TTC7A: variants seen among roughly 807,000 people sequenced by gnomAD.
TTC7A encodes tetratricopeptide repeat protein 7A.
Under a neutral mutation model 103.7 loss-of-function variants are expected in TTC7A, and 110 were observed. The observed-to-expected ratio is 1.06, with a 90% CI of 0.91 to 1.24. The LOEUF (loss-of-function observed/expected upper bound fraction) is 1.24. Ranked by LOEUF, TTC7A falls within the 50% of genes most tolerant of loss-of-function variation. The probability of loss-of-function intolerance (pLI) is 0.00; values close to 1 mark genes in which losing one functional copy is unlikely to be tolerated. For missense variants in TTC7A, 1,340 were observed against 1,116.3 expected, an observed-to-expected ratio of 1.20 and a Z score of -2.86; for synonymous variants, 521 against 467.9, an observed-to-expected ratio of 1.11 and a Z score of -1.47.
chr2:46,991,815 T>G (rs1675663350), intron 5 of TTC7A, among the ~76,000 whole-genome samples: 1 of 152,156 alleles, frequency 6.6e-6, no homozygotes, highest in Admixed American at 6.5e-5. Context: ...CCTGTCCTGC[T>G]TGCCACTCCC....
intron 15 of TTC7A, among the ~76,000 whole-genome samples, chr2:47,042,185 C>T (rs1681826544): frequency 6.6e-6 from 1 of 152,130 alleles, no homozygotes; most frequent in Non-Finnish European, 1.5e-5. Flanking sequence ...GATACTTTTA[C>T]TAATGTAGAT....
At position 47,029,220 on chromosome 2, in the gene TTC7A, A is replaced by G. The variant is rs1488211803; in HGVS notation, c.1642-4A>G. The G allele has an allele frequency of 5.0e-6, 8 of 1,613,484 alleles. No individual in the cohort carries two copies. In the Admixed American group the frequency reaches 8.3e-5, roughly 17 times the overall value. On this transcript the variant is annotated splice_region_variant and splice_polypyrimidine_tract_variant and intron_variant, in intron 14 of 19. Coordinates refer to ENST00000319190, the MANE Select transcript of TTC7A (RefSeq NM_020458.4). ...AAGGCTAACCTGGCGGGTTCCTTCA[A>G]CAGATCTCCAGTGCCATGGAGCAGC... is the stretch of plus-strand genomic sequence containing the variant.
chr2:47,006,576 A>G (rs1677419049), intron 9 of TTC7A, 65 bp from the exon 10 acceptor site: 13 of 1,406,222 alleles, frequency 9.2e-6, no homozygotes, highest in African/African-American at 2.8e-5. Context: ...CTACCCTGGA[A>G]GGGTGCGGAT....
rs1002587644 is a variant in TTC7A at position 47,007,533 on chromosome 2, T to A, written c.1287+809T>A. Reference sequence around the variant, plus strand: ...CCTTTCATGGGGCTGAGGGAATTCCTCGCCCCCCTGGCCCATCTGTGCCAC... The same window carrying A: ...CCTTTCATGGGGCTGAGGGAATTCCACGCCCCCCTGGCCCATCTGTGCCAC... On this transcript the variant is annotated intron_variant, in intron 10 of 19. Transcript: ENST00000319190. The surrounding 1 kb of genome is among the most constrained non-coding windows in gnomAD (Gnocchi z 4.9). 6.6e-6 allele frequency among the ~76,000 whole-genome samples: 1 copy of A among 152,170 alleles called. No individual in the cohort carries two copies. Among genetic ancestry groups the A allele is most frequent in the African/African-American group, 2.4e-5 (1 of 41,438 alleles).
chr2:47,073,075 A>G (rs1393153704), intron 19 of TTC7A, among the ~76,000 whole-genome samples: 2 of 151,994 alleles, frequency 1.3e-5, no homozygotes, highest in African/African-American at 2.4e-5. Flanking sequence ...ATCCCCCGCC[A>G]TCTGACTCTC....
chr2:47,042,772 G>T (rs1285435012), intron 15 of TTC7A, among the ~76,000 whole-genome samples: 1 of 152,096 alleles, frequency 6.6e-6, no homozygotes, highest in Non-Finnish European at 1.5e-5. Flanking sequence ...GGACAGCGTG[G>T]TCACATAGGG....
intron 3 of TTC7A, among the ~76,000 whole-genome samples, chr2:46,965,842 C>T (rs555026351): frequency 1.3e-5 from 2 of 152,068 alleles, no homozygotes; most frequent in Non-Finnish European, 2.9e-5. Flanking sequence ...GAGTTACAGG[C>T]GTGAGCCACC....
chr2:46,943,777 A>G (rs1286600739), intron 1 of TTC7A, among the ~76,000 whole-genome samples: 2 of 152,338 alleles, frequency 1.3e-5, no homozygotes, highest in East Asian at 3.9e-4. Flanking sequence ...CTTACAAGTC[A>G]GTGATCTGAA....
At chr2:46,968,117 T>G (rs1358401216) in intron 3 of TTC7A, among the ~76,000 whole-genome samples, 1 of 152,180 alleles carries the variant, frequency 6.6e-6, no homozygotes, top group Non-Finnish European at 1.5e-5. Flanking sequence ...CTGCCTTGGA[T>G]GTGATGAGTC....
intron 1 of TTC7A, among the ~76,000 whole-genome samples, chr2:46,945,384 C>T (rs192748863): frequency 6.6e-5 from 10 of 152,302 alleles, no homozygotes; most frequent in African/African-American, 2.4e-4. Context: ...TCCCAAGTAG[C>T]TGGGACTACA....
intron 8 of TTC7A, among the ~76,000 whole-genome samples, chr2:46,997,253 A>G (rs975238505): frequency 2.0e-5 from 3 of 152,116 alleles, no homozygotes; most frequent in Non-Finnish European, 2.9e-5. Context: ...TGCTGGGATT[A>G]CAGGCATGAG....
At chr2:47,058,034 GC>G (rs1454312716) in intron 18 of TTC7A, among the ~76,000 whole-genome samples, 1 of 152,214 alleles carries the variant, frequency 6.6e-6, no homozygotes, top group Admixed American at 6.5e-5. Flanking sequence ...TATGAGGGCA[GC>G]CTGTTCAGAT....
upstream of TTC7A, among the ~76,000 whole-genome samples, chr2:46,940,537 G>C (rs75833661): frequency 6.6e-6 from 1 of 152,336 alleles, no homozygotes; most frequent in East Asian, 1.9e-4. The surrounding 1 kb of genome is among the most constrained non-coding windows in gnomAD (Gnocchi z 4.7). Flanking sequence ...ATAGAGCTTT[G>C]ATCACAGTCT....
At chr2:47,054,590 T>A (rs760520184) in intron 18 of TTC7A, among the ~76,000 whole-genome samples, 2 of 151,946 alleles carry the variant, frequency 1.3e-5, no homozygotes, top group Non-Finnish European at 2.9e-5. Flanking sequence ...CCGAGCACTT[T>A]GGGAGGCCGA....
intron 2 of TTC7A, among the ~76,000 whole-genome samples, chr2:46,927,429 T>C (rs1669447725): frequency 6.7e-6 from 1 of 150,224 alleles, no homozygotes; most frequent in African/African-American, 2.5e-5. Context: ...TGATCTCGGC[T>C]CACTGCAGGC....
chr2:46,958,746 G>A (rs927011565), intron 3 of TTC7A, among the ~76,000 whole-genome samples: 1 of 152,224 alleles, frequency 6.6e-6, no homozygotes, highest in Admixed American at 6.5e-5. Flanking sequence ...TTGAGACCAT[G>A]CACGTGGCCA....
At chr2:46,996,743 C>G (rs6706303) in intron 8 of TTC7A, among the ~76,000 whole-genome samples, 43,301 of 152,148 alleles carry the variant, frequency 0.28, 7,049 homozygotes, top group African/African-American at 0.44. Context: ...TGTGGAGATA[C>G]AGGGACCATG....
chr2:46,948,742 G>C (rs2075097433), intron 1 of TTC7A, among the ~76,000 whole-genome samples: 1 of 152,164 alleles, frequency 6.6e-6, no homozygotes, highest in Non-Finnish European at 1.5e-5. Context: ...CTACAGGCTT[G>C]CACTACTGTG....
At position 46,947,033 on chromosome 2, in the gene TTC7A, C is replaced by G. The variant is rs544293298; in HGVS notation, c.185-3330C>G. Among the ~76,000 whole-genome samples, 6 of 152,232 alleles carry G rather than the reference C, an allele frequency of 3.9e-5. No homozygotes were observed. In the East Asian group the frequency reaches 1.2e-3, roughly 29 times the overall value. On this transcript the variant is annotated intron_variant, in intron 1 of 19. Coordinates refer to ENST00000319190, the MANE Select transcript of TTC7A (RefSeq NM_020458.4). ...AATCAACAAAGTAGTCTGAAAGTCA[C>G]AGGTATATGAAGGTAAGGACAGTTC...
Sources: gnomAD v4.1 joint callset for allele counts (sites outside exome capture counted in the v4.1 genomes callset) on GRCh38, gnomAD v4.1.1 for gene constraint, Gnocchi (gnomAD v3.1) non-coding constraint, MANE v1.5 for transcripts, NCBI Gene and HGNC (gene_info 2026-07-23, HGNC 2026-07-21) for gene names.